MSRA: variants seen among roughly 807,000 people sequenced by gnomAD.
MSRA encodes the protein mitochondrial peptide methionine sulfoxide reductase.
Under a neutral mutation model 31.3 loss-of-function variants are expected in MSRA, and 54 were observed. That is an observed-to-expected ratio of 1.73 (90% CI 1.39 to 2.17). The LOEUF is 2.17. Among genes scored for constraint, MSRA ranks in the 30% most tolerant of loss-of-function variants. The pLI, the probability that MSRA is intolerant of heterozygous loss-of-function variation, is 0.00. For missense variants in MSRA, 507 were observed against 300.9 expected (o/e 1.69, Z -5.07); for synonymous variants, 169 against 116.5 (o/e 1.45, Z -2.90).
At position 10,173,995 on chromosome 8, in the gene MSRA, C is replaced by G. The variant is rs545338973; in HGVS notation, c.143-33838C>G. 4.6e-5 allele frequency among the ~76,000 whole-genome samples: 7 copies of G among 152,200 alleles called. No individual in the cohort carries two copies. In the East Asian group the frequency reaches 9.7e-4, roughly 21 times the overall value. ...GGTGGGCCTGGGCAGATTTCTAAGA[C>G]AAGACAAGATGTGAGGACTCGTGTC... is the stretch of plus-strand genomic sequence containing the variant. On this transcript the variant is annotated intron_variant, in intron 1 of 5. Transcript: ENST00000317173.
intron 1 of MSRA, among the ~76,000 whole-genome samples, chr8:10,202,467 TC>T (rs1198510199): frequency 5.3e-5 from 8 of 152,202 alleles, no homozygotes; most frequent in African/African-American, 1.9e-4. Context: ...AATGACTTCT[TC>T]CCCTGTGCCA....
At chr8:10,352,098 G>A (rs1804187167) in intron 5 of MSRA, among the ~76,000 whole-genome samples, 1 of 152,198 alleles carries the variant, frequency 6.6e-6, no homozygotes, top group Non-Finnish European at 1.5e-5. Context: ...TAGCTTCCTA[G>A]CTCCTGATTG....
chr8:10,265,089 A>G (rs1563286188), intron 3 of MSRA, among the ~76,000 whole-genome samples: 2 of 152,222 alleles, frequency 1.3e-5, no homozygotes, highest in African/African-American at 4.8e-5. Context: ...TTTTACCTGC[A>G]GCTGATTCAA....
At chr8:10,379,307 GA>G (rs796340181) in intron 5 of MSRA, among the ~76,000 whole-genome samples, 231 of 144,032 alleles carry the variant, frequency 1.6e-3, no homozygotes, top group African/African-American at 3.8e-3. Context: ...GCTTAACGAA[GA>G]AAAAAAAAAA....
intron 1 of MSRA, among the ~76,000 whole-genome samples, chr8:10,145,459 C>T (rs17151201): frequency 1.3e-5 from 2 of 151,988 alleles, no homozygotes; most frequent in Non-Finnish European, 2.9e-5. Context: ...GAAGAGTGTA[C>T]CATCTGATTT....
intron 3 of MSRA, among the ~76,000 whole-genome samples, chr8:10,271,960 G>A (rs1036465808): frequency 9.9e-5 from 15 of 152,080 alleles, no homozygotes; most frequent in African/African-American, 2.9e-4. Context: ...CGCACACCTC[G>A]ACCTCCCAAA....
intron 5 of MSRA, among the ~76,000 whole-genome samples, chr8:10,348,454 C>G (rs7812334): frequency 0.013 from 1,973 of 146,376 alleles, 45 homozygotes; most frequent in African/African-American, 0.044. Flanking sequence ...ACTGCAACCT[C>G]TGCCTCCTGT....
At chr8:10,156,968 G>A (rs1027362961) in intron 1 of MSRA, among the ~76,000 whole-genome samples, 4 of 151,634 alleles carry the variant, frequency 2.6e-5, no homozygotes, top group African/African-American at 9.7e-5. Context: ...GCACTGTGCT[G>A]TGCTTTTATT....
chr8:10,401,599 C>A (rs1807468240), intron 5 of MSRA, among the ~76,000 whole-genome samples: 1 of 152,172 alleles, frequency 6.6e-6, no homozygotes, highest in South Asian at 2.1e-4. Context: ...GGATTCAAAC[C>A]TGTACACCTG....
At chr8:10,159,441 T>C (rs2129041272) in intron 1 of MSRA, among the ~76,000 whole-genome samples, 1 of 152,318 alleles carries the variant, frequency 6.6e-6, no homozygotes, top group Admixed American at 6.5e-5. Context: ...TGGCTGAGGT[T>C]GGAGAGTGAG....
At chr8:10,251,523 T>G (rs1338528866) in intron 3 of MSRA, among the ~76,000 whole-genome samples, 1 of 152,186 alleles carries the variant, frequency 6.6e-6, no homozygotes, top group Non-Finnish European at 1.5e-5. Context: ...CGCTTTTTAT[T>G]CCTCTTATTT....
Position 10,109,415 on chromosome 8 carries a change from C to T in MSRA, c.142+54757C>T, listed in dbSNP as rs190832495. ...GGAGTGCAGAGATGCAGTCTTGGCT[C>T]ACTGCAACCTCCATCTCCCGGGCTC... On this transcript the variant is annotated intron_variant, in intron 1 of 5. Coordinates refer to ENST00000317173, the MANE Select transcript of MSRA (RefSeq NM_012331.5). 9.7e-4 allele frequency among the ~76,000 whole-genome samples: 147 copies of T among 151,772 alleles called. 1 individual carries two copies. Among genetic ancestry groups the T allele is most frequent in the Admixed American group, 4.3e-3 (66 of 15,246 alleles).
At chr8:10,287,297 A>G (rs559058240) in intron 3 of MSRA, among the ~76,000 whole-genome samples, 1 of 152,328 alleles carries the variant, frequency 6.6e-6, no homozygotes, top group South Asian at 2.1e-4. Flanking sequence ...GAATTAAGCA[A>G]ATAATTTGGC....
intron 5 of MSRA, among the ~76,000 whole-genome samples, chr8:10,344,541 C>G (rs766628423): frequency 6.1e-5 from 8 of 132,182 alleles, no homozygotes; most frequent in Middle Eastern, 4.6e-3. Flanking sequence ...GCCACTGACA[C>G]TCCAGCCTGG....
At chr8:10,054,712 T>G (rs1421863247) in intron 1 of MSRA, 54 bp downstream of exon 1, 4 of 1,413,822 alleles carry the variant, frequency 2.8e-6, no homozygotes, top group Non-Finnish European at 3.7e-6. Flanking sequence ...ATGCGCGCCT[T>G]TGCCCGGCGG....
At position 10,351,245 on chromosome 8, in the gene MSRA, C is replaced by CTTTT. The variant is rs71203317; in HGVS notation, c.543+31281_543+31284dup. Reference sequence around the variant, plus strand: ...ATGGTTGTTTTTGCTCTGAAGGAGACTTTTTTTTTTTTTTTTTTTTTTTTT... The same window carrying CTTTT: ...ATGGTTGTTTTTGCTCTGAAGGAGACTTTTTTTTTTTTTTTTTTTTTTTTTTTTT... On this transcript the variant is annotated intron_variant, in intron 5 of 5. Transcript: ENST00000317173. Among the ~76,000 whole-genome samples, 238 of 56,808 alleles carry CTTTT rather than the reference C, an allele frequency of 4.2e-3. 44 individuals are homozygous for CTTTT. Among genetic ancestry groups the CTTTT allele is most frequent in the Middle Eastern group, 0.017 (1 of 58 alleles). The allele number at this position is 56,808 out of a possible 152,430, so 37.3% of individuals were successfully genotyped here.
intron 5 of MSRA, among the ~76,000 whole-genome samples, chr8:10,371,884 G>A (rs183958387): frequency 6.6e-6 from 1 of 152,194 alleles, no homozygotes; most frequent in Non-Finnish European, 1.5e-5. Context: ...GTTTGCCCAA[G>A]TTTGGTTCTC....
At chr8:10,311,601 C>T (rs922179127) in intron 4 of MSRA, among the ~76,000 whole-genome samples, 17 of 151,820 alleles carry the variant, frequency 1.1e-4, no homozygotes, top group African/African-American at 4.1e-4. Context: ...TTCAGAAAAT[C>T]GTCTTATGTT....
chr8:10,369,034 A>G (rs940332809), intron 5 of MSRA, among the ~76,000 whole-genome samples: 3 of 152,216 alleles, frequency 2.0e-5, no homozygotes, highest in Non-Finnish European at 2.9e-5. Context: ...TCCAAAAGCT[A>G]AAAGAATAAG....
Sources: gnomAD v4.1 joint callset for allele counts (sites outside exome capture counted in the v4.1 genomes callset) on GRCh38, gnomAD v4.1.1 for gene constraint, MANE v1.5 for transcripts, NCBI Gene and HGNC (gene_info 2026-07-23, HGNC 2026-07-21) for gene names.